The following ALK variants were observed in gnomAD, a reference collection of about 807,000 sequenced individuals.
ALK encodes the protein ALK tyrosine kinase receptor.
In ALK, 74 loss-of-function variants were observed where a neutral mutation model predicts 163.1. That is an observed-to-expected ratio of 0.45 (90% confidence interval 0.38 to 0.55). The LOEUF is 0.55. Ranked by LOEUF, ALK falls within the 20% of genes least tolerant of loss-of-function variation. ALK has a pLI of 0.00. For synonymous variants in ALK, 960 were observed against 843.2 expected (o/e 1.14, Z -2.40); for missense variants, 2,063 against 2,105.3 (o/e 0.98, Z 0.39).
chr2:29,761,363 T>C (rs980399015), intron 1 of ALK, among the ~76,000 whole-genome samples: 1 of 152,176 alleles, frequency 6.6e-6, no homozygotes, highest in Non-Finnish European at 1.5e-5. Flanking sequence ...CCTTTGGAGC[T>C]TTGGCCTTCC....
In ALK at chr2:29,609,014, G is replaced by A. The variant is rs573298960; in HGVS notation, c.953-76898C>T. Reference sequence around the variant, plus strand: ...TCTTGGCTCACTGCAACCTCCACCTGCTGGGTTCCAGTGATTCTTGTGCCT... The same window carrying A: ...TCTTGGCTCACTGCAACCTCCACCTACTGGGTTCCAGTGATTCTTGTGCCT... On this transcript the variant is annotated intron_variant, in intron 3 of 28. Coordinates refer to ENST00000389048, the MANE Select transcript of ALK (RefSeq NM_004304.5). Among the ~76,000 whole-genome samples, 3 of 152,186 alleles carry A rather than the reference G, an allele frequency of 2.0e-5. No individual in the cohort carries two copies. The East Asian group carries it at 5.8e-4, about 29-fold the overall frequency.
At chr2:29,318,436 C>T (rs2148248407) in intron 7 of ALK, 32 bp from the exon 8 acceptor site, 5 of 1,500,374 alleles carry the variant, frequency 3.3e-6, no homozygotes, top group Non-Finnish European at 4.6e-6. Context: ...ACAAGCACGC[C>T]ATTATCAGGA....
At chr2:29,488,111 T>A (rs564814718) in intron 4 of ALK, among the ~76,000 whole-genome samples, 1 of 152,320 alleles carries the variant, frequency 6.6e-6, no homozygotes, top group East Asian at 1.9e-4. Flanking sequence ...GCTGGGTTCA[T>A]CTCATATGCA....
At chr2:29,332,821 TG>T (rs2148262996) in intron 5 of ALK, among the ~76,000 whole-genome samples, 1 of 152,386 alleles carries the variant, frequency 6.6e-6, no homozygotes, top group East Asian at 1.9e-4. Flanking sequence ...AGAATATCTT[TG>T]AGCGTAAACC....
At chr2:29,536,276 T>A (rs1294069762) in intron 3 of ALK, among the ~76,000 whole-genome samples, 1 of 150,952 alleles carries the variant, frequency 6.6e-6, no homozygotes, top group Non-Finnish European at 1.5e-5. Context: ...CCCTCATGAA[T>A]GGTTTAGCTC....
At chr2:29,915,239 A>G (rs747867740) in intron 1 of ALK, among the ~76,000 whole-genome samples, 1 of 152,112 alleles carries the variant, frequency 6.6e-6, no homozygotes, top group Non-Finnish European at 1.5e-5. Context: ...TCAGCAGACC[A>G]ACTTCCTTAT....
chr2:29,340,186 G>A lies in ALK; in HGVS notation c.1283-11705C>T, dbSNP rs78050569. Among the ~76,000 whole-genome samples, 160 of 152,212 alleles carry A rather than the reference G, an allele frequency of 1.1e-3. 1 individual carries two copies. The highest frequency in any genetic ancestry group is 3.7e-3 in the African/African-American group (152 of 41,522). ...TAACCATTCTGCACCATACCTCCCC[G>A]TAAAATATGTCATTTTCTCCTCTTG... is the stretch of plus-strand genomic sequence containing the variant. On this transcript the variant is annotated intron_variant, in intron 5 of 28. Coordinates refer to ENST00000389048, the MANE Select transcript of ALK (RefSeq NM_004304.5).
chr2:29,598,624 G>T (rs564111369), intron 3 of ALK, among the ~76,000 whole-genome samples: 1 of 152,006 alleles, frequency 6.6e-6, no homozygotes, highest in South Asian at 2.1e-4. Flanking sequence ...GAAAAATGGT[G>T]GTCTACAAAG....
chr2:29,877,337 G>C (rs1572460972), intron 1 of ALK, among the ~76,000 whole-genome samples: 1 of 152,004 alleles, frequency 6.6e-6, no homozygotes, highest in Non-Finnish European at 1.5e-5. Flanking sequence ...ACACCAGCTT[G>C]TCATAGAGGC....
intron 4 of ALK, among the ~76,000 whole-genome samples, chr2:29,439,667 G>C (rs774053097): frequency 7.4e-6 from 1 of 135,252 alleles, no homozygotes; most frequent in Admixed American, 7.8e-5. Context: ...CTGATCCAAC[G>C]GGACTGGTGT....
intron 4 of ALK, among the ~76,000 whole-genome samples, chr2:29,513,336 A>C (rs952669779): frequency 7.1e-6 from 1 of 141,260 alleles, no homozygotes; most frequent in African/African-American, 2.7e-5. Flanking sequence ...GCCCTCAGAA[A>C]TAATGCCGCA....
intron 24 of ALK, among the ~76,000 whole-genome samples, chr2:29,210,451 G>C (rs958496824): frequency 2.5e-4 from 38 of 152,284 alleles, no homozygotes; most frequent in Admixed American, 1.5e-3. Flanking sequence ...GTTTTGTTTT[G>C]AGACAGAGTC....
At chr2:29,353,750 G>C (rs534301541) in intron 5 of ALK, among the ~76,000 whole-genome samples, 34 of 152,244 alleles carry the variant, frequency 2.2e-4, no homozygotes, top group African/African-American at 7.7e-4. Flanking sequence ...TTTATTGAAG[G>C]CTTCCTATTA....
intron 1 of ALK, among the ~76,000 whole-genome samples, chr2:29,748,741 C>T (rs1200597588): frequency 6.6e-6 from 1 of 151,952 alleles, no homozygotes; most frequent in Non-Finnish European, 1.5e-5. Context: ...TTAAGAGATA[C>T]TAACATATCA....
intron 6 of ALK, among the ~76,000 whole-genome samples, chr2:29,323,467 G>A (rs1183668325): frequency 6.6e-6 from 1 of 152,214 alleles, no homozygotes; most frequent in Non-Finnish European, 1.5e-5. Flanking sequence ...GCTTGGCATA[G>A]AATCCAGGGT....
At chr2:29,580,384 C>T (rs1455246566) in intron 3 of ALK, among the ~76,000 whole-genome samples, 1 of 152,170 alleles carries the variant, frequency 6.6e-6, no homozygotes, top group Non-Finnish European at 1.5e-5. Flanking sequence ...TCTCCCGCTC[C>T]CCCTTTCTCT....
rs768799403 is a variant in ALK, at chr2:29,320,879, T to A, written c.1418A>T (p.Lys473Ile). 4 of 1,614,166 alleles carry A rather than the reference T, an allele frequency of 2.5e-6. No individual in the cohort carries two copies. Among genetic ancestry groups the A allele is most frequent in the Admixed American group, 3.3e-5 (2 of 60,022 alleles). Reference sequence around the variant, plus strand: ...GTTGCAGTAAAAACCCACAGGCAGTTTCCCTATGGAGAGAGCAGAGAGGCA... The same window carrying A: ...GTTGCAGTAAAAACCCACAGGCAGTATCCCTATGGAGAGAGCAGAGAGGCA... ...QGEDESQMCR[K>I]LPVGFYCNFE... is the part of the protein sequence containing the mutation. Residue 473 changes from lysine to isoleucine, a missense_variant, in exon 7 of 29, where the codon AAA becomes ATA. Lys to Ile is a moderately radical substitution (Grantham distance 102). Coordinates refer to ENST00000389048, the MANE Select transcript of ALK (RefSeq NM_004304.5).
At chr2:29,245,944 G>T (rs913468478) in intron 12 of ALK, among the ~76,000 whole-genome samples, 17 of 152,254 alleles carry the variant, frequency 1.1e-4, no homozygotes, top group African/African-American at 3.4e-4. Context: ...GGTGCCCCAG[G>T]TGAGGAAATG....
intron 2 of ALK, among the ~76,000 whole-genome samples, chr2:29,714,984 G>A (rs1269421356): frequency 1.3e-5 from 2 of 152,128 alleles, no homozygotes; most frequent in East Asian, 3.9e-4. Context: ...CAGCCCACCG[G>A]GGACACTATG....
Sources: gnomAD v4.1 joint callset for allele counts (sites outside exome capture counted in the v4.1 genomes callset) on GRCh38, gnomAD v4.1.1 for gene constraint, MANE v1.5 for transcripts, NCBI Gene and HGNC (gene_info 2026-07-23, HGNC 2026-07-21) for gene names.